SCNN1G: variants seen among roughly 807,000 people sequenced by gnomAD.
SCNN1G encodes epithelial sodium channel subunit gamma.
SCNN1G carries 27 observed loss-of-function variants against 64.6 expected under a neutral mutation model. That is an observed-to-expected ratio of 0.42 (90% CI 0.31 to 0.58). The LOEUF (loss-of-function observed/expected upper bound fraction) is 0.58, where lower values mean the gene tolerates loss of function less well. Ranked by LOEUF, SCNN1G falls within the 20% of genes least tolerant of loss-of-function variation. The pLI, the probability that SCNN1G is intolerant of heterozygous loss-of-function variation, is 0.18. For missense variants in SCNN1G, 743 were observed against 823.4 expected (o/e 0.90, Z 1.19); for synonymous variants, 330 against 314.2 (o/e 1.05, Z -0.53).
intron 7 of SCNN1G, among the ~76,000 whole-genome samples, chr16:23,210,179 G>T (rs1377724424): frequency 2.6e-5 from 4 of 152,184 alleles, no homozygotes; most frequent in African/African-American, 9.7e-5. Flanking sequence ...TGGCTTCCGG[G>T]CCTGCTGGTG....
At position 23,215,652 on chromosome 16, in the gene SCNN1G, G is replaced by T. The variant is rs943945230; in HGVS notation, c.*183G>T. 3.0e-6 allele frequency: 2 copies of T among 668,992 alleles called. No individual in the cohort carries two copies. Among genetic ancestry groups the T allele is most frequent in the Non-Finnish European group, 5.2e-6 (2 of 382,986 alleles). The allele number at this position is 668,992 out of a possible 1,614,324, so 41.4% of individuals were successfully genotyped here. On this transcript the variant is annotated 3_prime_UTR_variant, in exon 13 of 13. Transcript: ENST00000300061. ...CTGGGCATGCGCAGGAGGAGCCATC[G>T]GGTACTACGCAGCAACACTCACAAC...
intron 11 of SCNN1G, among the ~76,000 whole-genome samples, chr16:23,213,580 C>T (rs968844869): frequency 1.3e-5 from 2 of 152,166 alleles, no homozygotes; most frequent in African/African-American, 4.8e-5. Context: ...CTCACTCATT[C>T]ATTTCCTCAA....
rs1246891667 is a variant in SCNN1G, at chr16:23,197,377, G to A, written c.1027G>A (p.Val343Met). ...GGATGAGTATCCCTTCGTCGAAGAT[G>A]TGGGAACAGAGATTGAGACAGCAAT... The part of the protein sequence containing the change: ...RQDEYPFVED[V>M]GTEIETAMVT... The change falls in exon 6 of 13, where the codon GTG becomes ATG. Residue 343 changes from valine (V) to methionine (M), a missense_variant. Val to Met is a conservative substitution (Grantham distance 21). Transcript: ENST00000300061. 6.2e-7 allele frequency: 1 copy of A among 1,614,170 alleles called. No homozygotes were observed. The highest frequency in any genetic ancestry group is 1.7e-5 in the Admixed American group (1 of 60,028).
intron 11 of SCNN1G, 87 bp downstream of exon 11, chr16:23,213,250 C>CAA: frequency 1.3e-6 from 1 of 771,272 alleles, no homozygotes; most frequent in Non-Finnish European, 2.1e-6. Context: ...TGGCCAAATC[C>CAA]TCTTTTTTTT....
At chr16:23,200,608 C>T (rs537561690) in intron 6 of SCNN1G, among the ~76,000 whole-genome samples, 6 of 152,246 alleles carry the variant, frequency 3.9e-5, no homozygotes, top group African/African-American at 1.2e-4. Flanking sequence ...TGGAGGACAC[C>T]GTCCCTGTCC....
chr16:23,188,329 C>A (rs915510408), intron 2 of SCNN1G, among the ~76,000 whole-genome samples: 2 of 151,864 alleles, frequency 1.3e-5, no homozygotes, highest in African/African-American at 2.4e-5. Context: ...GGCAACAGAG[C>A]AAGGCCCCCT....
Position 23,192,341 on chromosome 16 carries a change from C to A in SCNN1G, c.619-11C>A. ...CGATGGCTTCAGCCTCGCATCTCCT[C>A]TTATTCACAGTGCTCAAATGACACC... On this transcript the variant is annotated splice_polypyrimidine_tract_variant and intron_variant, in intron 3 of 12. Coordinates refer to ENST00000300061, the MANE Select transcript of SCNN1G (RefSeq NM_001039.4). 6.2e-7 allele frequency: 1 copy of A among 1,612,766 alleles called. No individual in the cohort carries two copies. The highest frequency in any genetic ancestry group is 8.5e-7 in the Non-Finnish European group (1 of 1,178,788).
rs1409930785 is a variant in SCNN1G, at chr16:23,215,288, G to A, written c.1769G>A (p.Gly590Asp). 3 of 1,614,044 alleles carry A rather than the reference G, an allele frequency of 1.9e-6. No homozygotes were observed. In the African/African-American group the frequency reaches 4.0e-5, roughly 22 times the overall value. The change falls in exon 13 of 13, where the codon GGC becomes GAC. Residue 590 changes from glycine to aspartate, a missense_variant. Gly to Asp is a moderately conservative substitution (Grantham distance 94). Coordinates refer to ENST00000300061, the MANE Select transcript of SCNN1G (RefSeq NM_001039.4). ...PCPEAPRSPQ[G>D]QDNPALDIDD... ...CCAGAAGCTCCCCGTAGCCCACAGGGCCAGGACAATCCAGCCCTGGATATA... is the reference window on the plus strand; with the variant it reads ...CCAGAAGCTCCCCGTAGCCCACAGGACCAGGACAATCCAGCCCTGGATATA...
intron 1 of SCNN1G, among the ~76,000 whole-genome samples, chr16:23,184,564 C>T (rs1254498900): frequency 1.3e-5 from 2 of 152,106 alleles, no homozygotes; most frequent in Non-Finnish European, 2.9e-5. Context: ...TTCATCCCAG[C>T]AAAATCATAT....
At chr16:23,192,653 C>T (rs190104556) in intron 4 of SCNN1G, 111 bp downstream of exon 4, 4 of 855,378 alleles carry the variant, frequency 4.7e-6, no homozygotes, top group Admixed American at 2.0e-5. Context: ...AAAAGGTGCT[C>T]TTCTCACTGA....
intron 3 of SCNN1G, among the ~76,000 whole-genome samples, chr16:23,190,602 G>A (rs917656741): frequency 6.6e-6 from 1 of 152,052 alleles, no homozygotes; most frequent in Non-Finnish European, 1.5e-5. Flanking sequence ...GTCAAGCTTG[G>A]GTCACCTAAT....
In SCNN1G at chr16:23,197,373, A is replaced by T. The variant is rs1959813355; in HGVS notation, c.1023A>T (p.Glu341Asp). The T allele has an allele frequency of 6.2e-7, 1 of 1,614,006 alleles. No individual in the cohort carries two copies. The highest frequency in any genetic ancestry group is 1.3e-5 in the African/African-American group (1 of 74,928). The change falls in exon 6 of 13, where the codon GAA becomes GAT. Residue 341 changes from glutamate to aspartate, a missense_variant. Glu to Asp is a conservative substitution (Grantham distance 45). Transcript: ENST00000300061. ...IHRQDEYPFV[E>D]DVGTEIETAM... ...GGCAGGATGAGTATCCCTTCGTCGAAGATGTGGGAACAGAGATTGAGACAG... is the reference window on the plus strand; with the variant it reads ...GGCAGGATGAGTATCCCTTCGTCGATGATGTGGGAACAGAGATTGAGACAG...
chr16:23,214,777 C>A lies in SCNN1G; in HGVS notation c.1559C>A (p.Pro520Gln). Residue 520 changes from proline to glutamine, a missense_variant, in exon 12 of 13, where the codon CCA becomes CAA. Coordinates refer to ENST00000300061, the MANE Select transcript of SCNN1G (RefSeq NM_001039.4). ...DLNQRSIMES[P>Q]ANSIEMLLSN... ...AACCAGAGATCCATCATGGAGAGCC[C>A]AGCCAACAGTGTGAGTAGAGTGGCT... is the stretch of plus-strand genomic sequence containing the variant. The A allele has an allele frequency of 6.2e-7, 1 of 1,613,488 alleles. No individual in the cohort carries two copies. The highest frequency in any genetic ancestry group is 8.5e-7 in the Non-Finnish European group (1 of 1,179,402).
chr16:23,202,421 A>G (rs1959907864), intron 6 of SCNN1G, among the ~76,000 whole-genome samples: 1 of 152,132 alleles, frequency 6.6e-6, no homozygotes, highest in African/African-American at 2.4e-5. Context: ...CCCAGACAGA[A>G]GCTACTGGAG....
rs1960149842 is a variant in SCNN1G at position 23,215,677 on chromosome 16, C to G, written c.*208C>G. On this transcript the variant is annotated 3_prime_UTR_variant, in exon 13 of 13. Transcript: ENST00000300061. ...GGGTACTACGCAGCAACACTCACAA[C>G]TGTCCAGGCTGAGATAAATCCCGGG... 1 of 615,836 alleles carries G rather than the reference C, an allele frequency of 1.6e-6. No individual in the cohort carries two copies. Among genetic ancestry groups the G allele is most frequent in the African/African-American group, 1.8e-5 (1 of 54,358 alleles). The allele number at this position is 615,836 out of a possible 1,614,324, so 38.1% of individuals were successfully genotyped here.
chr16:23,203,840 T>C (rs559925179), intron 6 of SCNN1G, among the ~76,000 whole-genome samples: 1 of 148,000 alleles, frequency 6.8e-6, no homozygotes, highest in South Asian at 2.2e-4. Flanking sequence ...GTTTTGCACA[T>C]TGGTTGTATA....
chr16:23,186,498 TCTC>T lies in SCNN1G; in HGVS notation c.230_232del (p.Ser77del). 1 of 1,614,024 alleles carries T rather than the reference TCTC, an allele frequency of 6.2e-7. No individual in the cohort carries two copies. The highest frequency in any genetic ancestry group is 8.5e-7 in the Non-Finnish European group (1 of 1,180,018). On this transcript the variant is annotated inframe_deletion, in exon 2 of 13. Transcript: ENST00000300061. ...CTCTGGCAGTGCGCCCTCCTCGTCT[TCTC>T]CTTCTATACTGTCTCAGTTTCCATC...
intron 6 of SCNN1G, among the ~76,000 whole-genome samples, 172 bp from the exon 7 acceptor site, chr16:23,209,578 C>T: frequency 6.6e-6 from 1 of 152,126 alleles, no homozygotes; most frequent in East Asian, 1.9e-4. Context: ...CAGTGTCTAC[C>T]ACAGTACCAG....
At chr16:23,185,022 C>T (rs576840635) in intron 1 of SCNN1G, among the ~76,000 whole-genome samples, 12 of 152,288 alleles carry the variant, frequency 7.9e-5, no homozygotes, top group African/African-American at 2.6e-4. Flanking sequence ...CTCTTTCCTC[C>T]TACCTTTAGT....
Sources: gnomAD v4.1 joint callset for allele counts (sites outside exome capture counted in the v4.1 genomes callset) on GRCh38, gnomAD v4.1.1 for gene constraint, MANE v1.5 for transcripts, NCBI Gene and HGNC (gene_info 2026-07-23, HGNC 2026-07-21) for gene names.